Variants in BMP2K observed in about 807,000 individuals in gnomAD.
BMP2K encodes the protein BMP2 inducible kinase, also known as BMP-2-inducible protein kinase.
Under a neutral mutation model 116.0 loss-of-function variants are expected in BMP2K, and 74 were observed. The ratio of observed to expected loss-of-function variants is 0.64; its 90% CI spans 0.53 to 0.77. The LOEUF (loss-of-function observed/expected upper bound fraction) is 0.77, where lower values mean the gene tolerates loss of function less well. Ranked by LOEUF, BMP2K falls within the 30% of genes least tolerant of loss-of-function variation. BMP2K has a pLI of 0.00. For synonymous variants in BMP2K, 486 were observed against 502.5 expected, an observed-to-expected ratio of 0.97 and a Z score of 0.44; for missense variants, 1,365 against 1,403.6, an observed-to-expected ratio of 0.97 and a Z score of 0.44.
chr4:78,881,945 A>G (rs1373729117), intron 14 of BMP2K, among the ~76,000 whole-genome samples: 1 of 152,054 alleles, frequency 6.6e-6, no homozygotes, highest in Admixed American at 6.5e-5. Flanking sequence ...ACAATTTTCC[A>G]AAGTCTTTTC....
intron 1 of BMP2K, among the ~76,000 whole-genome samples, chr4:78,793,613 G>C (rs1216342369): frequency 6.6e-6 from 1 of 151,822 alleles, no homozygotes; most frequent in Non-Finnish European, 1.5e-5. Flanking sequence ...AGAATCTCTG[G>C]GTCTACAATG....
intron 7 of BMP2K, among the ~76,000 whole-genome samples, chr4:78,856,845 T>G (rs1731529388): frequency 1.3e-5 from 2 of 152,154 alleles, no homozygotes; most frequent in African/African-American, 4.8e-5. Context: ...TTACAAAATG[T>G]GGTTTAGCAG....
At chr4:78,779,163 C>T (rs183957869) in intron 1 of BMP2K, among the ~76,000 whole-genome samples, 1 of 152,338 alleles carries the variant, frequency 6.6e-6, no homozygotes, top group Admixed American at 6.5e-5. Context: ...TGAACCACTG[C>T]TCCTACTATG....
intron 1 of BMP2K, among the ~76,000 whole-genome samples, chr4:78,815,770 G>T (rs1180311760): frequency 2.0e-5 from 3 of 152,086 alleles, no homozygotes; most frequent in African/African-American, 4.8e-5. Flanking sequence ...TATTTTCTTA[G>T]GTAGGACAGA....
intron 10 of BMP2K, among the ~76,000 whole-genome samples, chr4:78,867,176 AAAAAAAAG>A (rs1467215244): frequency 2.0e-5 from 3 of 152,058 alleles, no homozygotes; most frequent in South Asian, 2.1e-4. Flanking sequence ...TGTCTCAAAA[AAAAAAAAG>A]AAAAAAAGAA....
chr4:78,872,823 A>G (rs1169951205), intron 13 of BMP2K, 25 bp downstream of exon 13: 2 of 1,600,440 alleles, frequency 1.2e-6, no homozygotes, highest in South Asian at 2.2e-5. Flanking sequence ...AGTGAAAGCA[A>G]AGGAAATTAT....
intron 3 of BMP2K, among the ~76,000 whole-genome samples, chr4:78,834,283 A>T (rs1577910522): frequency 6.8e-6 from 1 of 147,286 alleles, no homozygotes; most frequent in Non-Finnish European, 1.5e-5. Flanking sequence ...TTTTTTTGAG[A>T]CGGAGTCTCG....
intron 3 of BMP2K, among the ~76,000 whole-genome samples, chr4:78,839,092 C>T (rs1277073603): frequency 1.3e-5 from 2 of 152,126 alleles, no homozygotes; most frequent in African/African-American, 2.4e-5. Flanking sequence ...AATTCCAAAA[C>T]TCAATAGCAT....
chr4:78,905,439 G>C (rs1023058535), intron 15 of BMP2K, among the ~76,000 whole-genome samples: 1 of 151,702 alleles, frequency 6.6e-6, no homozygotes, highest in African/African-American at 2.4e-5. Context: ...TAAAAACAGT[G>C]GGTGAATATA....
intron 15 of BMP2K, among the ~76,000 whole-genome samples, chr4:78,900,895 T>A (rs868569521): frequency 2.0e-4 from 31 of 152,222 alleles, no homozygotes; most frequent in African/African-American, 6.3e-4. Context: ...TTAATTATCA[T>A]GAATTATATT....
intron 4 of BMP2K, among the ~76,000 whole-genome samples, 198 bp downstream of exon 4, chr4:78,842,725 C>A (rs1235527074): frequency 6.6e-6 from 1 of 152,014 alleles, no homozygotes; most frequent in Non-Finnish European, 1.5e-5. Context: ...TCTAGCATGG[C>A]TGTGGAGGCA....
At chr4:78,803,908 A>G (rs1018501345) in intron 1 of BMP2K, among the ~76,000 whole-genome samples, 1 of 152,286 alleles carries the variant, frequency 6.6e-6, no homozygotes, top group Admixed American at 6.5e-5. Flanking sequence ...CTTCAGTTAT[A>G]TAGAACTAGT....
chr4:78,796,922 G>C (rs985100206), intron 1 of BMP2K, among the ~76,000 whole-genome samples: 3 of 152,148 alleles, frequency 2.0e-5, no homozygotes, highest in Admixed American at 2.0e-4. Flanking sequence ...GTAGGGGAAA[G>C]GATGTTGTGA....
intron 1 of BMP2K, among the ~76,000 whole-genome samples, chr4:78,799,687 A>G (rs1271758382): frequency 6.6e-6 from 1 of 152,222 alleles, no homozygotes; most frequent in Admixed American, 6.5e-5. Flanking sequence ...ATCTCTGAGT[A>G]TCAGAATAAT....
Position 78,850,543 on chromosome 4 carries a change from G to A in BMP2K, c.751-381G>A, listed in dbSNP as rs751273080. Among the ~76,000 whole-genome samples, 7 of 152,000 alleles carry A rather than the reference G, an allele frequency of 4.6e-5. 1 individual carries two copies. Among genetic ancestry groups the A allele is most frequent in the East Asian group, 1.9e-4 (1 of 5,180 alleles). Reference sequence around the variant, plus strand: ...TTGGAATCCCAGGACTTTTAAACATGCTTTATAGTGAATGCTTAAAAATGC... The same window carrying A: ...TTGGAATCCCAGGACTTTTAAACATACTTTATAGTGAATGCTTAAAAATGC... On this transcript the variant is annotated intron_variant, in intron 6 of 15. Transcript: ENST00000502613.
intron 2 of BMP2K, among the ~76,000 whole-genome samples, chr4:78,826,866 A>C (rs1388970091): frequency 6.6e-6 from 1 of 152,106 alleles, no homozygotes; most frequent in African/African-American, 2.4e-5. Context: ...CTTGTTCATC[A>C]TCCAGCTTAA....
intron 1 of BMP2K, 75 bp from the exon 2 acceptor site, chr4:78,825,962 G>A: frequency 9.1e-7 from 1 of 1,102,658 alleles, no homozygotes; most frequent in South Asian, 1.3e-5. Flanking sequence ...CCTCCAATAT[G>A]CTCTATGATT....
At chr4:78,856,179 A>ATTCT (rs1274225455) in intron 7 of BMP2K, among the ~76,000 whole-genome samples, 1 of 152,044 alleles carries the variant, frequency 6.6e-6, no homozygotes, top group Admixed American at 6.6e-5. Flanking sequence ...GAAGGGTCAA[A>ATTCT]TTCTTTCTTT....
intron 15 of BMP2K, among the ~76,000 whole-genome samples, chr4:78,892,696 A>C (rs564742055): frequency 6.6e-6 from 1 of 152,228 alleles, no homozygotes; most frequent in Non-Finnish European, 1.5e-5. Flanking sequence ...ATATTTTGCA[A>C]TAAAGAGAGG....
Sources: gnomAD v4.1 joint callset for allele counts (sites outside exome capture counted in the v4.1 genomes callset) on GRCh38, gnomAD v4.1.1 for gene constraint, MANE v1.5 for transcripts, NCBI Gene and HGNC (gene_info 2026-07-23, HGNC 2026-07-21) for gene names.